Variants in ERAP2 observed in about 807,000 individuals in gnomAD.
ERAP2 encodes leukocyte-derived arginine aminopeptidase.
In ERAP2, 118 loss-of-function variants were observed where a neutral mutation model predicts 111.1. The observed-to-expected ratio is 1.06, with a 90% confidence interval of 0.92 to 1.24. The LOEUF (loss-of-function observed/expected upper bound fraction) is 1.24, where lower values mean the gene tolerates loss of function less well. ERAP2 is among the 50% of genes most tolerant of loss of function. The probability of loss-of-function intolerance (pLI) is 0.00; values close to 1 mark genes in which losing one functional copy is unlikely to be tolerated. For synonymous variants in ERAP2, 410 were observed against 401.2 expected (o/e 1.02, Z -0.26); for missense variants, 1,131 against 1,125.8 (o/e 1.00, Z -0.07).
chr5:96,905,415 T>A (rs192011868), intron 13 of ERAP2, among the ~76,000 whole-genome samples: 33 of 152,362 alleles, frequency 2.2e-4, no homozygotes, highest in Non-Finnish European at 7.3e-5. Context: ...TGAGTCTAAT[T>A]TCTAGTTGTT....
intron 10 of ERAP2, among the ~76,000 whole-genome samples, chr5:96,900,570 T>C (rs1785338996): frequency 6.6e-6 from 1 of 152,146 alleles, no homozygotes; most frequent in Non-Finnish European, 1.5e-5. Context: ...TGGGAAGTTA[T>C]AGAATCACTA....
chr5:96,893,762 G>A (rs1784606844), intron 6 of ERAP2, among the ~76,000 whole-genome samples: 1 of 152,046 alleles, frequency 6.6e-6, no homozygotes, highest in Admixed American at 6.6e-5. Context: ...CATAACCCTG[G>A]CAAAGATTTC....
At position 96,909,710 on chromosome 5, in the gene ERAP2, T is replaced by C; in HGVS notation, c.2300T>C (p.Ile767Thr). 6.2e-7 allele frequency: 1 copy of C among 1,614,188 alleles called. No homozygotes were observed. The highest frequency in any genetic ancestry group is 8.5e-7 in the Non-Finnish European group (1 of 1,180,020). Reference sequence around the variant, plus strand: ...TGTGACCTGAACCATGCTCCTTGCATCCAGAAAGCTGCTGAACTCTTCTCC... The same window carrying C: ...TGTGACCTGAACCATGCTCCTTGCACCCAGAAAGCTGCTGAACTCTTCTCC... ...LACDLNHAPC[I>T]QKAAELFSQW... Residue 767 changes from isoleucine to threonine, a missense_variant, in exon 15 of 19, where the codon ATC becomes ACC. By Grantham distance (89) the Ile-to-Thr change is moderately conservative. Transcript: ENST00000437043.
chr5:96,905,396 T>C (rs1172769715), intron 13 of ERAP2, among the ~76,000 whole-genome samples: 1 of 152,236 alleles, frequency 6.6e-6, no homozygotes, highest in East Asian at 1.9e-4. Context: ...TCTGGTTGTT[T>C]TGTAATTATG....
At chr5:96,901,168 TTTTG>T (rs944066964) in intron 10 of ERAP2, among the ~76,000 whole-genome samples, 25 of 118,538 alleles carry the variant, frequency 2.1e-4, no homozygotes, top group East Asian at 8.3e-4. Flanking sequence ...TATTTGAGGG[TTTTG>T]TTTGTTTGTT....
chr5:96,904,376 T>C (rs891037760), intron 13 of ERAP2, among the ~76,000 whole-genome samples: 1 of 152,220 alleles, frequency 6.6e-6, no homozygotes, highest in Admixed American at 6.5e-5. Flanking sequence ...TTACTCAATG[T>C]GACATATAAT....
At chr5:96,882,052 G>A (rs1431747746) in intron 2 of ERAP2, among the ~76,000 whole-genome samples, 1 of 152,110 alleles carries the variant, frequency 6.6e-6, no homozygotes. Context: ...TCACTGCACA[G>A]CCTGCAGCCA....
At chr5:96,905,337 T>C (rs569307315) in intron 13 of ERAP2, among the ~76,000 whole-genome samples, 1 of 152,178 alleles carries the variant, frequency 6.6e-6, no homozygotes, top group African/African-American at 2.4e-5. Flanking sequence ...TATTTCAAAA[T>C]GCTATTGTTG....
At chr5:96,907,143 A>C (rs1339572317) in intron 13 of ERAP2, among the ~76,000 whole-genome samples, 3 of 152,216 alleles carry the variant, frequency 2.0e-5, no homozygotes, top group African/African-American at 4.8e-5. Flanking sequence ...GTAGGTGTGG[A>C]CTTTTACTGT....
chr5:96,879,780 T>C lies in ERAP2; in HGVS notation c.95T>C (p.Ile32Thr). 6.2e-7 allele frequency: 1 copy of C among 1,614,178 alleles called. No homozygotes were observed. Among genetic ancestry groups the C allele is most frequent in the Non-Finnish European group, 8.5e-7 (1 of 1,180,012 alleles). ...TGCTTAACAGCCATCTTGCCCCAAA[T>C]ATGCATTTGTTCTCAGTTCTCAGTG... is the stretch of plus-strand genomic sequence containing the variant. Reference protein sequence around the residue: ...FYCLTAILPQICICSQFSVPS... With the variant: ...FYCLTAILPQTCICSQFSVPS... The change falls in exon 2 of 19, where the codon ATA becomes ACA. Residue 32 changes from isoleucine (I) to threonine (T), a missense_variant. By Grantham distance (89) the Ile-to-Thr change is moderately conservative (BLOSUM62 -1). This residue lies in a region of ERAP2 where 847 missense variants were observed against 856.5 expected (regional missense o/e 0.99). Coordinates refer to ENST00000437043, the MANE Select transcript of ERAP2 (RefSeq NM_022350.5).
chr5:96,907,572 G>GAT (rs1786227479), intron 13 of ERAP2, among the ~76,000 whole-genome samples: 1 of 90,616 alleles, frequency 1.1e-5, no homozygotes, highest in South Asian at 4.5e-4. Flanking sequence ...ACATTTTGTG[G>GAT]ATTTTTTTTT....
At chr5:96,911,160 T>C (rs1786690268) in intron 15 of ERAP2, among the ~76,000 whole-genome samples, 1 of 152,230 alleles carries the variant, frequency 6.6e-6, no homozygotes, top group Non-Finnish European at 1.5e-5. Flanking sequence ...TACTTAACTT[T>C]TCTGAGATTT....
chr5:96,881,589 C>A, intron 2 of ERAP2: 1 of 431,768 alleles, frequency 2.3e-6, no homozygotes, highest in South Asian at 1.7e-5. Flanking sequence ...ATATTTTTCT[C>A]ATGCAACAAG....
upstream of ERAP2, chr5:96,876,026 G>C (rs17087114): frequency 0.035 from 5,313 of 152,516 alleles, 128 homozygotes; most frequent in Middle Eastern, 0.11. Flanking sequence ...GGTGGTTACA[G>C]ACATGGAAAA....
intron 15 of ERAP2, among the ~76,000 whole-genome samples, chr5:96,910,587 C>A (rs1271248901): frequency 1.3e-5 from 2 of 152,104 alleles, no homozygotes; most frequent in Admixed American, 6.6e-5. Context: ...ACTATTATTT[C>A]ATCTTTATGC....
chr5:96,909,081 C>A lies in ERAP2; in HGVS notation c.2133C>A (p.Asp711Glu). ...TGGAATCGTTTTACCACATGATGGA[C>A]AGAAGGAATATTTCAGATATCTCTG... ...SYLESFYHMM[D>E]RRNISDISEN... Residue 711 changes from aspartate (D) to glutamate (E), a missense_variant, in exon 14 of 19, where the codon GAC becomes GAA. This residue lies in a region of ERAP2 where 847 missense variants were observed against 856.5 expected (regional missense o/e 0.99). Transcript: ENST00000437043. 1 of 1,614,092 alleles carries A rather than the reference C, an allele frequency of 6.2e-7. No individual in the cohort carries two copies. The highest frequency in any genetic ancestry group is 1.3e-5 in the African/African-American group (1 of 75,012).
chr5:96,898,737 TAAAAC>T (rs1026526491), intron 9 of ERAP2, among the ~76,000 whole-genome samples: 13 of 152,056 alleles, frequency 8.5e-5, no homozygotes, highest in African/African-American at 3.1e-4. Context: ...GACTCTGTCT[TAAAAC>T]AAAACAAAAC....
chr5:96,878,400 C>T (rs201818348), intron 1 of ERAP2, among the ~76,000 whole-genome samples: 3 of 19,042 alleles, frequency 1.6e-4, no homozygotes, highest in Admixed American at 1.2e-3. Flanking sequence ...CAATGCCATT[C>T]GTAGTAATAA....
Position 96,909,714 on chromosome 5 carries a change from G to C in ERAP2, c.2304G>C (p.Gln768His). ...ACCTGAACCATGCTCCTTGCATCCA[G>C]AAAGCTGCTGAACTCTTCTCCCAGT... is the stretch of plus-strand genomic sequence containing the variant. ...ACDLNHAPCIQKAAELFSQWM... is the reference protein window; with the variant it reads ...ACDLNHAPCIHKAAELFSQWM... Residue 768 changes from glutamine to histidine, a missense_variant, in exon 15 of 19, where the codon CAG becomes CAC. Gln to His is a conservative substitution (Grantham distance 24, BLOSUM62 0). Coordinates refer to ENST00000437043, the MANE Select transcript of ERAP2 (RefSeq NM_022350.5). 6.2e-7 allele frequency: 1 copy of C among 1,614,210 alleles called. No homozygotes were observed. Among genetic ancestry groups the C allele is most frequent in the Non-Finnish European group, 8.5e-7 (1 of 1,180,028 alleles).
Sources: gnomAD v4.1 joint callset for allele counts (sites outside exome capture counted in the v4.1 genomes callset) on GRCh38, gnomAD v4.1.1 for gene constraint, gnomAD v4.1.1 regional missense constraint, MANE v1.5 for transcripts, NCBI Gene and HGNC (gene_info 2026-07-23, HGNC 2026-07-21) for gene names.